KCMF1: variants seen among roughly 807,000 people sequenced by gnomAD.
The protein encoded by KCMF1 is E3 ubiquitin-protein ligase KCMF1.
In KCMF1, 3 loss-of-function variants were observed where a neutral mutation model predicts 41.1. That is an observed-to-expected ratio of 0.07 (90% CI 0.03 to 0.19). The LOEUF (loss-of-function observed/expected upper bound fraction) is 0.19. Among genes scored for constraint, KCMF1 ranks in the 10% least tolerant of loss-of-function variants. KCMF1 has a pLI of 1.00. For missense variants in KCMF1, 286 were observed against 488.9 expected (o/e 0.58, Z 3.91); for synonymous variants, 142 against 164.5 (o/e 0.86, Z 1.04).
chr2:85,026,482 TA>T (rs1675106982), intron 1 of KCMF1, among the ~76,000 whole-genome samples: 1 of 146,578 alleles, frequency 6.8e-6, no homozygotes, highest in African/African-American at 2.5e-5. Flanking sequence ...TTATTATTAT[TA>T]TTATTATTAT....
intron 1 of KCMF1, among the ~76,000 whole-genome samples, chr2:84,996,469 T>G (rs1674178621): frequency 7.1e-6 from 1 of 141,740 alleles, no homozygotes; most frequent in Admixed American, 7.3e-5. Flanking sequence ...GAGTCTTGGC[T>G]CTGTCACCCA....
At chr2:85,023,178 C>T (rs1674990095) in intron 1 of KCMF1, among the ~76,000 whole-genome samples, 2 of 151,806 alleles carry the variant, frequency 1.3e-5, no homozygotes, top group African/African-American at 4.8e-5. Context: ...TGAGCCACCG[C>T]GCCCGGCCAA....
chr2:85,034,439 A>G (rs746884961), intron 2 of KCMF1, among the ~76,000 whole-genome samples: 2 of 152,162 alleles, frequency 1.3e-5, no homozygotes, highest in East Asian at 1.9e-4. Flanking sequence ...ATAAATTACA[A>G]TAAAATTAGA....
rs1675876284 is a variant in KCMF1, at chr2:85,054,170, T to A, written c.*761T>A. Reference sequence around the variant, plus strand: ...TGTGTGCCCTAAAAACAAATCCTGTTCATGTTTGTTTAAAGTTTTTACTTT... The same window carrying A: ...TGTGTGCCCTAAAAACAAATCCTGTACATGTTTGTTTAAAGTTTTTACTTT... On this transcript the variant is annotated 3_prime_UTR_variant, in exon 7 of 7. Coordinates refer to ENST00000409785, the MANE Select transcript of KCMF1 (RefSeq NM_020122.5). 6.6e-6 allele frequency: 1 copy of A among 152,238 alleles called. No individual in the cohort carries two copies. The highest frequency in any genetic ancestry group is 1.5e-5 in the Non-Finnish European group (1 of 68,042). The allele number at this position is 152,238 out of a possible 1,614,324, so 9.4% of individuals were successfully genotyped here.
In KCMF1 at chr2:85,008,321, C is replaced by CATATATA. The variant is rs1440605576; in HGVS notation, c.17-19556_17-19550dup. Among the ~76,000 whole-genome samples the CATATATA allele has an allele frequency of 3.0e-4, 13 of 43,950 alleles. No individual in the cohort carries two copies. The East Asian group carries it at 6.0e-3, about 20-fold the overall frequency. 28.8% of individuals were successfully genotyped at this position (43,950 alleles called of 152,430 possible). The stretch of plus-strand genomic sequence containing the variant: ...ATAATATATAATATGATATATATAT[C>CATATATA]ATATATAATATATAATATGATATAT... On this transcript the variant is annotated intron_variant, in intron 1 of 6. Coordinates refer to ENST00000409785, the MANE Select transcript of KCMF1 (RefSeq NM_020122.5).
At chr2:85,036,001 A>G (rs534744572) in intron 3 of KCMF1, among the ~76,000 whole-genome samples, 1 of 152,316 alleles carries the variant, frequency 6.6e-6, no homozygotes, top group African/African-American at 2.4e-5. Flanking sequence ...AAGGACATAC[A>G]GCTTAGTAAG....
intron 1 of KCMF1, among the ~76,000 whole-genome samples, chr2:85,022,876 T>C (rs550350052): frequency 6.7e-6 from 1 of 149,274 alleles, no homozygotes; most frequent in African/African-American, 2.5e-5. Context: ...AACTTTATAC[T>C]GTATGTATTC....
intron 1 of KCMF1, among the ~76,000 whole-genome samples, chr2:85,013,443 A>G (rs1229393965): frequency 2.0e-5 from 3 of 152,128 alleles, no homozygotes; most frequent in East Asian, 3.9e-4. Flanking sequence ...CTCCTTATAC[A>G]TCTTGCAGTA....
chr2:85,030,415 A>C (rs1675238972), intron 2 of KCMF1, among the ~76,000 whole-genome samples: 2 of 152,182 alleles, frequency 1.3e-5, no homozygotes, highest in Non-Finnish European at 2.9e-5. Flanking sequence ...GCCTAATTCA[A>C]AGTCACGAAG....
intron 2 of KCMF1, among the ~76,000 whole-genome samples, chr2:85,031,446 C>G (rs958371134): frequency 6.6e-6 from 1 of 152,068 alleles, no homozygotes; most frequent in East Asian, 1.9e-4. Context: ...AATATATGTT[C>G]AGTAGAAACA....
intron 1 of KCMF1, among the ~76,000 whole-genome samples, chr2:85,004,478 C>G (rs1674415887): frequency 6.6e-6 from 1 of 151,780 alleles, no homozygotes; most frequent in Admixed American, 6.6e-5. Context: ...CGCCACTGCA[C>G]TCCAGCCTGG....
intron 3 of KCMF1, among the ~76,000 whole-genome samples, chr2:85,042,265 A>T (rs995965861): frequency 1.3e-5 from 2 of 152,208 alleles, no homozygotes; most frequent in African/African-American, 4.8e-5. Flanking sequence ...ACTGATATCA[A>T]ATCAGAGTTG....
At chr2:84,981,694 A>G (rs1312115418) in intron 1 of KCMF1, among the ~76,000 whole-genome samples, 1 of 151,368 alleles carries the variant, frequency 6.6e-6, no homozygotes, top group Non-Finnish European at 1.5e-5. Flanking sequence ...TTCCTTTGAG[A>G]CTCTGTCATC....
At chr2:85,042,258 G>C (rs1415438852) in intron 3 of KCMF1, among the ~76,000 whole-genome samples, 1 of 152,216 alleles carries the variant, frequency 6.6e-6, no homozygotes, top group African/African-American at 2.4e-5. Context: ...AAGAGAGACT[G>C]ATATCAAATC....
intron 1 of KCMF1, among the ~76,000 whole-genome samples, chr2:85,018,460 G>C (rs1674843159): frequency 6.6e-6 from 1 of 151,838 alleles, no homozygotes; most frequent in Non-Finnish European, 1.5e-5. Context: ...AGTAGAGATG[G>C]GGTTTTGCCA....
chr2:85,018,649 A>G (rs572293911), intron 1 of KCMF1, among the ~76,000 whole-genome samples: 27 of 152,332 alleles, frequency 1.8e-4, no homozygotes, highest in African/African-American at 6.0e-4. Flanking sequence ...TATATGTAGT[A>G]TAAGGTAAAT....
intron 3 of KCMF1, among the ~76,000 whole-genome samples, chr2:85,037,865 G>A (rs1382515405): frequency 6.6e-6 from 1 of 152,220 alleles, no homozygotes; most frequent in Non-Finnish European, 1.5e-5. Flanking sequence ...CAGTGGGCCA[G>A]CGGACATTAC....
chr2:85,008,380 ATT>A (rs1558573651), intron 1 of KCMF1, among the ~76,000 whole-genome samples: 86 of 123,156 alleles, frequency 7.0e-4, no homozygotes, highest in African/African-American at 2.9e-3. Context: ...CATATGATAT[ATT>A]ATATATGATA....
intron 1 of KCMF1, among the ~76,000 whole-genome samples, chr2:85,017,542 A>G (rs576870451): frequency 6.6e-5 from 10 of 152,234 alleles, no homozygotes; most frequent in Admixed American, 2.0e-4. Context: ...TTCACAGAAT[A>G]GAAAAGAGGC....
Sources: gnomAD v4.1 joint callset for allele counts (sites outside exome capture counted in the v4.1 genomes callset) on GRCh38, gnomAD v4.1.1 for gene constraint, MANE v1.5 for transcripts, NCBI Gene and HGNC (gene_info 2026-07-23, HGNC 2026-07-21) for gene names.